Variants in CNTN4 observed in about 807,000 individuals in gnomAD.
The protein encoded by CNTN4 is contactin 4, also known as contactin-4.
In CNTN4, 77 loss-of-function variants were observed where a neutral mutation model predicts 122.5. That is an observed-to-expected ratio of 0.63 (90% CI 0.52 to 0.76). The LOEUF (loss-of-function observed/expected upper bound fraction) is 0.76. Ranked by LOEUF, CNTN4 falls within the 30% of genes least tolerant of loss-of-function variation. The pLI is 0.00. For synonymous variants in CNTN4, 512 were observed against 447.0 expected (o/e 1.15, Z -1.83); for missense variants, 1,256 against 1,259.1 (o/e 1.00, Z 0.04).
At chr3:2,883,736 G>A (rs965401911) in intron 9 of CNTN4, among the ~76,000 whole-genome samples, 2 of 152,180 alleles carry the variant, frequency 1.3e-5, no homozygotes, top group Non-Finnish European at 2.9e-5. Context: ...TAGGTAAGAC[G>A]TGTTGTTCTC....
chr3:2,526,569 T>C (rs1384859806), intron 3 of CNTN4, among the ~76,000 whole-genome samples: 1 of 152,146 alleles, frequency 6.6e-6, no homozygotes, highest in Non-Finnish European at 1.5e-5. Flanking sequence ...TATTCCAGTC[T>C]AAGAAAAAAC....
At chr3:2,162,823 G>T (rs2036024375) in intron 2 of CNTN4, among the ~76,000 whole-genome samples, 1 of 152,210 alleles carries the variant, frequency 6.6e-6, no homozygotes, top group Non-Finnish European at 1.5e-5. Flanking sequence ...AGGGCTGGGT[G>T]TGGTGGCTCA....
chr3:2,501,833 A>C (rs1018557413), intron 3 of CNTN4, among the ~76,000 whole-genome samples: 1 of 152,156 alleles, frequency 6.6e-6, no homozygotes. Context: ...GAGCCTCGAC[A>C]TAACACCTAG....
At chr3:2,706,867 GTTTCCTC>G (rs1480827153) in intron 4 of CNTN4, among the ~76,000 whole-genome samples, 1 of 152,014 alleles carries the variant, frequency 6.6e-6, no homozygotes, top group Non-Finnish European at 1.5e-5. Flanking sequence ...CTGTGCCTCA[GTTTCCTC>G]ACCTGTAAAA....
intron 3 of CNTN4, among the ~76,000 whole-genome samples, chr3:2,381,163 A>G (rs539231492): frequency 4.2e-4 from 63 of 151,294 alleles, no homozygotes; most frequent in Non-Finnish European, 7.4e-4. Flanking sequence ...CCGCCACCAC[A>G]CCCGGCTAAT....
chr3:2,560,566 A>T (rs1219550508), intron 3 of CNTN4, among the ~76,000 whole-genome samples: 2 of 152,174 alleles, frequency 1.3e-5, no homozygotes, highest in Non-Finnish European at 2.9e-5. Context: ...CTTCTCTACA[A>T]ACTTCTGAAG....
At chr3:2,124,759 T>C (rs2034032552) in intron 2 of CNTN4, among the ~76,000 whole-genome samples, 1 of 151,848 alleles carries the variant, frequency 6.6e-6, no homozygotes, top group Non-Finnish European at 1.5e-5. Context: ...GAAGAGAGAG[T>C]GAAAAACAAC....
intron 2 of CNTN4, among the ~76,000 whole-genome samples, chr3:2,116,184 G>C (rs948309919): frequency 3.3e-5 from 5 of 152,110 alleles, no homozygotes; most frequent in African/African-American, 9.7e-5. Flanking sequence ...CTCATATCTA[G>C]TAAATGCACT....
intron 7 of CNTN4, among the ~76,000 whole-genome samples, chr3:2,842,342 T>C (rs2093377143): frequency 6.6e-6 from 1 of 152,136 alleles, no homozygotes; most frequent in African/African-American, 2.4e-5. Context: ...CTTCCAGGGC[T>C]CCAATCTAAG....
chr3:2,191,632 G>A (rs144103080), intron 2 of CNTN4, among the ~76,000 whole-genome samples: 19 of 151,596 alleles, frequency 1.3e-4, no homozygotes, highest in African/African-American at 3.9e-4. Flanking sequence ...CCAAGTTCAG[G>A]CCCCAACTGC....
intron 3 of CNTN4, among the ~76,000 whole-genome samples, chr3:2,423,811 G>C (rs987012264): frequency 3.3e-5 from 5 of 151,688 alleles, no homozygotes; most frequent in Non-Finnish European, 7.4e-5. Context: ...ATTCTGTCAA[G>C]TACTGCTGAA....
chr3:2,704,344 C>A (rs2086531835), intron 4 of CNTN4, among the ~76,000 whole-genome samples: 1 of 147,280 alleles, frequency 6.8e-6, no homozygotes, highest in Non-Finnish European at 1.5e-5. Context: ...CACATGCCCT[C>A]TTATACATAA....
intron 4 of CNTN4, among the ~76,000 whole-genome samples, chr3:2,576,224 A>G (rs953275969): frequency 2.0e-5 from 3 of 152,196 alleles, no homozygotes; most frequent in Non-Finnish European, 2.9e-5. Context: ...TCACTGCTGT[A>G]TTCCCAGCAT....
rs550102004 is a variant in CNTN4, at chr3:2,414,069, T to C, written c.-89+74836T>C. 2.0e-5 allele frequency among the ~76,000 whole-genome samples: 3 copies of C among 152,242 alleles called. No individual in the cohort carries two copies. The East Asian group carries it at 5.8e-4, about 29-fold the overall frequency. On this transcript the variant is annotated intron_variant, in intron 3 of 24. Coordinates refer to ENST00000418658, the MANE Select transcript of CNTN4 (RefSeq NM_175607.3). ...CCCCATAGACAGTGGGGACAGTGCCTCCAGCATACGAATGATATAGGTAGA... is the reference window on the plus strand; with the variant it reads ...CCCCATAGACAGTGGGGACAGTGCCCCCAGCATACGAATGATATAGGTAGA...
At chr3:2,550,798 C>T (rs2078468117) in intron 3 of CNTN4, among the ~76,000 whole-genome samples, 2 of 152,072 alleles carry the variant, frequency 1.3e-5, no homozygotes, top group Non-Finnish European at 1.5e-5. Context: ...ATGTCCTTTG[C>T]AGGGACATGG....
intron 2 of CNTN4, among the ~76,000 whole-genome samples, chr3:2,257,948 A>T (rs1051019077): frequency 2.0e-5 from 3 of 152,124 alleles, no homozygotes; most frequent in Non-Finnish European, 2.9e-5. Context: ...CTGTAATCCC[A>T]GCTACACAAG....
intron 4 of CNTN4, among the ~76,000 whole-genome samples, chr3:2,601,081 T>A (rs534340596): frequency 1.2e-4 from 18 of 152,240 alleles, no homozygotes; most frequent in East Asian, 7.7e-4. Context: ...GTTTGAGTTC[T>A]TTGTAGATTC....
intron 4 of CNTN4, among the ~76,000 whole-genome samples, chr3:2,643,518 C>T (rs1321904201): frequency 6.6e-6 from 1 of 152,160 alleles, no homozygotes. Flanking sequence ...GACTTGTGTG[C>T]ATGTCCATCT....
rs529041486 is a variant in CNTN4, at chr3:2,185,890, G to A, written c.-145+85251G>A. On this transcript the variant is annotated intron_variant, in intron 2 of 24. Transcript: ENST00000418658. ...TAGCCTTAATTATAACATATCCTTG[G>A]AACCATTGGTCTTTTCTTTTTTAAC... Among the ~76,000 whole-genome samples the A allele has an allele frequency of 1.8e-4, 27 of 151,836 alleles. No homozygotes were observed. The South Asian group carries it at 5.0e-3, about 28-fold the overall frequency.
Sources: gnomAD v4.1 joint callset for allele counts (sites outside exome capture counted in the v4.1 genomes callset) on GRCh38, gnomAD v4.1.1 for gene constraint, MANE v1.5 for transcripts, NCBI Gene and HGNC (gene_info 2026-07-23, HGNC 2026-07-21) for gene names.